The following SMARCA1 variants were observed in gnomAD, a reference collection of about 807,000 sequenced individuals.
The protein encoded by SMARCA1 is SWI/SNF-related matrix-associated actin-dependent regulator of chromatin subfamily A member 1.
A neutral mutation model predicts 93.6 loss-of-function variants in SMARCA1; 17 were observed. The ratio of observed to expected loss-of-function variants is 0.18; its 90% CI spans 0.12 to 0.27. SMARCA1 has a LOEUF of 0.27. SMARCA1 is among the 10% of genes least tolerant of loss of function. The probability of loss-of-function intolerance (pLI) is 1.00; values close to 1 mark genes in which losing one functional copy is unlikely to be tolerated. For synonymous variants in SMARCA1, 271 were observed against 271.4 expected, an observed-to-expected ratio of 1.00 and a Z score of 0.01; for missense variants, 630 against 819.0, an observed-to-expected ratio of 0.77 and a Z score of 2.82.
intron 6 of SMARCA1, among the ~76,000 whole-genome samples, chrX:129,508,953 C>T (rs1934924564): frequency 9.2e-6 from 1 of 108,975 alleles, no homozygotes; most frequent in Admixed American, 9.8e-5. Flanking sequence ...TTTGGGAGGC[C>T]AAGGCAGATG....
intron 23 of SMARCA1, among the ~76,000 whole-genome samples, chrX:129,453,157 G>A (rs1439978911): frequency 2.7e-5 from 3 of 111,359 alleles, no homozygotes; most frequent in Non-Finnish European, 5.7e-5. Context: ...TAGAAATTGG[G>A]CTAATTATAA....
intron 23 of SMARCA1, among the ~76,000 whole-genome samples, chrX:129,462,009 C>T (rs1299091158): frequency 1.8e-5 from 2 of 111,660 alleles, no homozygotes; most frequent in Non-Finnish European, 3.8e-5. Flanking sequence ...TATTTAGAAG[C>T]GGAAGTTCGT....
At chrX:129,464,340 C>A (rs1932857930) in intron 23 of SMARCA1, among the ~76,000 whole-genome samples, 1 of 112,436 alleles carries the variant, frequency 8.9e-6, no homozygotes, top group Admixed American at 9.4e-5. Flanking sequence ...AAAAATGTAT[C>A]CTATTTTATG....
intron 23 of SMARCA1, among the ~76,000 whole-genome samples, chrX:129,459,238 G>T (rs1324818274): frequency 9.0e-6 from 1 of 111,055 alleles, no homozygotes; most frequent in African/African-American, 3.3e-5. Context: ...GGCCAACATG[G>T]TGAAACCTCA....
chrX:129,511,191 G>A (rs936013960), intron 6 of SMARCA1, among the ~76,000 whole-genome samples: 9 of 111,052 alleles, frequency 8.1e-5, no homozygotes, highest in Middle Eastern at 4.7e-3. Context: ...ACTGACAAAT[G>A]GCTGATTTAA....
At chrX:129,509,373 GA>G (rs112433102) in intron 6 of SMARCA1, among the ~76,000 whole-genome samples, 3 of 106,798 alleles carry the variant, frequency 2.8e-5, no homozygotes, top group South Asian at 4.1e-4. Flanking sequence ...GAGGAGGACA[GA>G]AAAAAAAAGG....
intron 9 of SMARCA1, among the ~76,000 whole-genome samples, chrX:129,502,895 A>G (rs1200171204): frequency 1.8e-5 from 2 of 111,853 alleles, no homozygotes; most frequent in Non-Finnish European, 3.8e-5. Context: ...AACTAAAAAG[A>G]TAAATCATGG....
At chrX:129,489,217 G>C in intron 15 of SMARCA1, 132 bp from the exon 16 acceptor site, 1 of 370,865 alleles carries the variant, frequency 2.7e-6, no homozygotes, top group Non-Finnish European at 4.6e-6. Context: ...TGAGCATTAA[G>C]GTTATTTGTT....
At chrX:129,490,315 G>A in intron 14 of SMARCA1, 123 bp from the exon 15 acceptor site, 1 of 396,521 alleles carries the variant, frequency 2.5e-6, no homozygotes, top group Non-Finnish European at 4.2e-6. Flanking sequence ...CTTTGGAAAA[G>A]AGCATGATGA....
chrX:129,473,336 T>C (rs1465079877), intron 19 of SMARCA1, among the ~76,000 whole-genome samples: 1 of 111,130 alleles, frequency 9.0e-6, no homozygotes, highest in Non-Finnish European at 1.9e-5. Flanking sequence ...CAAATGGAAA[T>C]GGAAAAGGTG....
chrX:129,483,503 G>A (rs188981326), intron 17 of SMARCA1, among the ~76,000 whole-genome samples: 1 of 111,945 alleles, frequency 8.9e-6, no homozygotes, highest in Admixed American at 9.5e-5. Flanking sequence ...TTAATGTGAA[G>A]CGACAGTAAT....
intron 19 of SMARCA1, among the ~76,000 whole-genome samples, chrX:129,479,736 C>T (rs992111246): frequency 1.2e-4 from 13 of 106,212 alleles, no homozygotes; most frequent in African/African-American, 3.9e-4. Context: ...CTCCCTCTGT[C>T]GCCCAGGCTG....
At chrX:129,498,263 T>C (rs967014859) in intron 10 of SMARCA1, among the ~76,000 whole-genome samples, 192 bp from the exon 11 acceptor site, 2 of 111,853 alleles carry the variant, frequency 1.8e-5, no homozygotes, top group African/African-American at 3.2e-5. Flanking sequence ...TATAAACCTG[T>C]TTCCTCCTGC....
At chrX:129,463,618 T>C (rs1174212683) in intron 23 of SMARCA1, among the ~76,000 whole-genome samples, 5 of 111,929 alleles carry the variant, frequency 4.5e-5, no homozygotes, top group Non-Finnish European at 9.4e-5. Flanking sequence ...TTTGTACAAG[T>C]ATAGCACTTT....
intron 19 of SMARCA1, among the ~76,000 whole-genome samples, chrX:129,473,505 A>T (rs1933235654): frequency 8.9e-6 from 1 of 112,028 alleles, no homozygotes; most frequent in Non-Finnish European, 1.9e-5. Flanking sequence ...CTTTGACAAG[A>T]TTGTTCACAG....
chrX:129,468,609 C>A (rs1169736216), intron 21 of SMARCA1, among the ~76,000 whole-genome samples, 164 bp downstream of exon 21: 1 of 112,136 alleles, frequency 8.9e-6, no homozygotes. Flanking sequence ...AATCTTATAA[C>A]CTTTCTTATA....
At chrX:129,467,433 T>C (rs752806713) in intron 21 of SMARCA1, among the ~76,000 whole-genome samples, 4 of 111,804 alleles carry the variant, frequency 3.6e-5, no homozygotes, top group Non-Finnish European at 7.5e-5. Flanking sequence ...TTTACATTCT[T>C]TTCATTCAAC....
intron 6 of SMARCA1, among the ~76,000 whole-genome samples, chrX:129,508,636 A>G (rs753544408): frequency 5.4e-4 from 61 of 112,506 alleles, no homozygotes; most frequent in African/African-American, 1.9e-3. Context: ...GTTTTTGTGA[A>G]GTTCCAGATC....
At chrX:129,452,801 A>G (rs1208696803) in intron 23 of SMARCA1, among the ~76,000 whole-genome samples, 1 of 112,334 alleles carries the variant, frequency 8.9e-6, no homozygotes, top group Admixed American at 9.4e-5. Context: ...ACTGAGCTTC[A>G]TAGATATTGT....
Sources: allele counts gnomAD v4.1 joint callset (sites outside exome capture counted in the v4.1 genomes callset), GRCh38; gene constraint gnomAD v4.1.1; transcripts MANE v1.5; gene names NCBI Gene and HGNC (gene_info 2026-07-23, HGNC 2026-07-21).